NBEA: variants seen among roughly 807,000 people sequenced by gnomAD.
NBEA encodes lysosomal-trafficking regulator 2.
NBEA carries 44 observed loss-of-function variants against 343.4 expected under a neutral mutation model. That is an observed-to-expected ratio of 0.13 (90% confidence interval 0.10 to 0.16). The LOEUF (loss-of-function observed/expected upper bound fraction) is 0.16, where lower values mean the gene tolerates loss of function less well. NBEA is among the 10% of genes least tolerant of loss of function. NBEA has a pLI of 1.00. For synonymous variants in NBEA, 1,175 were observed against 1,238.7 expected, an observed-to-expected ratio of 0.95 and a Z score of 1.08; for missense variants, 2,555 against 3,631.3, an observed-to-expected ratio of 0.70 and a Z score of 7.62.
intron 34 of NBEA, among the ~76,000 whole-genome samples, chr13:35,249,865 A>G (rs1236911585): frequency 1.3e-5 from 2 of 152,198 alleles, no homozygotes; most frequent in African/African-American, 4.8e-5. Context: ...CAAAAAATGT[A>G]GTATATACAT....
intron 41 of NBEA, among the ~76,000 whole-genome samples, chr13:35,549,929 C>T (rs905994545): frequency 9.8e-5 from 15 of 152,286 alleles, no homozygotes; most frequent in South Asian, 6.2e-4. Context: ...CCTTTATTTA[C>T]ACATTGTCTA....
chr13:35,289,434 C>T (rs990774842), intron 34 of NBEA, among the ~76,000 whole-genome samples: 1 of 151,792 alleles, frequency 6.6e-6, no homozygotes, highest in Non-Finnish European at 1.5e-5. Context: ...TTAACGTACT[C>T]TCAACAGTGT....
In NBEA at chr13:35,309,519, T is replaced by C. The variant is rs771733170; in HGVS notation, c.5839-9T>C. 5.7e-6 allele frequency: 9 copies of C among 1,572,818 alleles called. No homozygotes were observed. Among genetic ancestry groups the C allele is most frequent in the Non-Finnish European group, 7.8e-6 (9 of 1,156,436 alleles). ...CTTTTCTCACGTTTGTTTTGGTTTCTCCTTTTAGGAATGGCAAAACTCTAT... is the reference window on the plus strand; with the variant it reads ...CTTTTCTCACGTTTGTTTTGGTTTCCCCTTTTAGGAATGGCAAAACTCTAT... On this transcript the variant is annotated splice_polypyrimidine_tract_variant and intron_variant, in intron 35 of 58. Transcript: ENST00000379939.
At chr13:35,170,404 C>G (rs1435181097) in intron 25 of NBEA, among the ~76,000 whole-genome samples, 2 of 151,738 alleles carry the variant, frequency 1.3e-5, no homozygotes, top group East Asian at 3.9e-4. Flanking sequence ...TATTCCCTTC[C>G]TTGGTTCCTT....
At chr13:35,360,468 C>G (rs1042221510) in intron 38 of NBEA, among the ~76,000 whole-genome samples, 5 of 151,934 alleles carry the variant, frequency 3.3e-5, no homozygotes, top group African/African-American at 9.7e-5. Context: ...AGGATACAAT[C>G]CAAAACTACT....
chr13:35,022,995 G>T (rs533612451), intron 1 of NBEA, among the ~76,000 whole-genome samples: 101 of 152,156 alleles, frequency 6.6e-4, no homozygotes, highest in African/African-American at 2.4e-3. Flanking sequence ...AATATAGATT[G>T]TGCCTACTTT....
chr13:35,043,245 G>T (rs1341664112), intron 2 of NBEA, among the ~76,000 whole-genome samples: 3 of 151,708 alleles, frequency 2.0e-5, no homozygotes, highest in Non-Finnish European at 4.4e-5. Context: ...TATACAATAT[G>T]CAAGGAATTT....
intron 1 of NBEA, among the ~76,000 whole-genome samples, chr13:34,969,569 G>A (rs2059934016): frequency 6.6e-6 from 1 of 151,858 alleles, no homozygotes; most frequent in African/African-American, 2.4e-5. Flanking sequence ...CCCTCCGATA[G>A]GCCCAGTGTG....
rs1172954696 is a variant in NBEA at position 34,999,405 on chromosome 13, C to G, written c.295-41528C>G. 5.3e-5 allele frequency among the ~76,000 whole-genome samples: 8 copies of G among 152,116 alleles called. No homozygotes were observed. The South Asian group carries it at 1.5e-3, about 28-fold the overall frequency. On this transcript the variant is annotated intron_variant, in intron 1 of 58. Transcript: ENST00000379939. ...CCCAATACTCTCTTTACCCCCTTAC[C>G]TGAAATCTAAGTGCTTTTTGTTCTC... is the stretch of plus-strand genomic sequence containing the variant.
Position 35,663,407 on chromosome 13 carries a change from G to A in NBEA, c.8363-1678G>A, listed in dbSNP as rs531329419. Among the ~76,000 whole-genome samples, 7 of 152,282 alleles carry A rather than the reference G, an allele frequency of 4.6e-5. No homozygotes were observed. The East Asian group carries it at 1.4e-3, about 29-fold the overall frequency. ...CCTGGCTAATTTCACTTAACCTCAT[G>A]TCCTTCAGTTCCATCTATGTTGTTG... On this transcript the variant is annotated intron_variant, in intron 55 of 58. Transcript: ENST00000379939.
At chr13:35,378,151 GA>G (rs1301102660) in intron 38 of NBEA, among the ~76,000 whole-genome samples, 1 of 152,164 alleles carries the variant, frequency 6.6e-6, no homozygotes, top group Non-Finnish European at 1.5e-5. Context: ...GTGTATCCAG[GA>G]ATAGGCCCAT....
intron 41 of NBEA, among the ~76,000 whole-genome samples, chr13:35,533,357 A>G (rs537942669): frequency 3.9e-5 from 6 of 152,252 alleles, no homozygotes; most frequent in Admixed American, 3.9e-4. Context: ...TTATTGATAA[A>G]TAGTATGGTT....
chr13:35,597,482 G>T (rs2081860629), intron 47 of NBEA, among the ~76,000 whole-genome samples: 1 of 152,128 alleles, frequency 6.6e-6, no homozygotes, highest in Non-Finnish European at 1.5e-5. Flanking sequence ...TGTCTAATGT[G>T]CCTCTGTAGG....
At chr13:35,451,247 C>A (rs551381437) in intron 39 of NBEA, among the ~76,000 whole-genome samples, 1 of 152,226 alleles carries the variant, frequency 6.6e-6, no homozygotes, top group Non-Finnish European at 1.5e-5. Flanking sequence ...CCTGGGCCTC[C>A]CGGGTAGCTG....
At chr13:35,010,403 C>T (rs2061442450) in intron 1 of NBEA, among the ~76,000 whole-genome samples, 1 of 151,598 alleles carries the variant, frequency 6.6e-6, no homozygotes, top group Non-Finnish European at 1.5e-5. Context: ...CATAGTAAGA[C>T]CTCATTTCTA....
chr13:35,522,435 TCCACAC>T lies in NBEA; in HGVS notation c.6586-28041_6586-28036del, dbSNP rs2077761257. Among the ~76,000 whole-genome samples, 6 of 116,862 alleles carry T rather than the reference TCCACAC, an allele frequency of 5.1e-5. No homozygotes were observed. The Middle Eastern group carries it at 0.029, about 562-fold the overall frequency. The allele number at this position is 116,862 out of a possible 152,430, so 76.7% of individuals were successfully genotyped here. On this transcript the variant is annotated intron_variant, in intron 41 of 58. Coordinates refer to ENST00000379939, the MANE Select transcript of NBEA (RefSeq NM_001385012.1). ...GTGAGCCAAGATCACACCACTGCAC[TCCACAC>T]TCCAGCCTGGGCAACAAAGCAAGAT...
intron 41 of NBEA, among the ~76,000 whole-genome samples, chr13:35,541,035 C>A (rs949890931): frequency 4.6e-5 from 7 of 152,136 alleles, no homozygotes; most frequent in Non-Finnish European, 8.8e-5. Context: ...TAGCAGCTCT[C>A]CATTATTCTC....
chr13:35,026,579 G>A (rs2062027464), intron 1 of NBEA, among the ~76,000 whole-genome samples: 1 of 151,898 alleles, frequency 6.6e-6, no homozygotes, highest in Non-Finnish European at 1.5e-5. Context: ...ATCCTCTTTT[G>A]TTTCTGAACT....
chr13:35,379,902 T>C (rs1346809887), intron 38 of NBEA, among the ~76,000 whole-genome samples: 2 of 152,188 alleles, frequency 1.3e-5, no homozygotes, highest in Non-Finnish European at 2.9e-5. Flanking sequence ...TACCTGGTAG[T>C]GTAAGCCCTT....
Sources: allele counts gnomAD v4.1 joint callset (sites outside exome capture counted in the v4.1 genomes callset), GRCh38; gene constraint gnomAD v4.1.1; transcripts MANE v1.5; gene names NCBI Gene and HGNC (gene_info 2026-07-23, HGNC 2026-07-21).